Variants in SUDS3 observed in about 807,000 individuals in gnomAD.
SUDS3 encodes the protein sin3 histone deacetylase corepressor complex component SDS3.
A neutral mutation model predicts 53.5 loss-of-function variants in SUDS3; 23 were observed. The observed-to-expected ratio is 0.43, with a 90% CI of 0.31 to 0.61. The LOEUF (loss-of-function observed/expected upper bound fraction) is 0.61. Among genes scored for constraint, SUDS3 ranks in the 20% least tolerant of loss-of-function variants. The pLI is 0.10. For synonymous variants in SUDS3, 150 were observed against 148.5 expected, an observed-to-expected ratio of 1.01 and a Z score of -0.08; for missense variants, 291 against 405.9, an observed-to-expected ratio of 0.72 and a Z score of 2.43.
At position 118,409,308 on chromosome 12, in the gene SUDS3, G is replaced by C. The variant is rs188024130; in HGVS notation, c.804-1765G>C. Among the ~76,000 whole-genome samples the C allele has an allele frequency of 5.7e-4, 86 of 152,070 alleles. 1 individual carries two copies. In the East Asian group the frequency reaches 6.4e-3, roughly 11 times the overall value. ...ATTACAGGAGCCTGCCACCACTCCC[G>C]GCTAATTTTTGTGTTTTTAGTAGAG... is the stretch of plus-strand genomic sequence containing the variant. On this transcript the variant is annotated intron_variant, in intron 10 of 11. Transcript: ENST00000543473.
At chr12:118,380,272 GACA>G (rs745577794) in intron 2 of SUDS3, 41 bp downstream of exon 2, 17 of 1,523,132 alleles carry the variant, frequency 1.1e-5, no homozygotes, top group Admixed American at 5.6e-5. Flanking sequence ...ACATAGAATT[GACA>G]ACATCTTTAT....
chr12:118,412,764 C>T (rs1419762931), intron 11 of SUDS3, among the ~76,000 whole-genome samples: 2 of 119,582 alleles, frequency 1.7e-5, no homozygotes, highest in African/African-American at 2.6e-5. Context: ...GATTGTTTTT[C>T]CCCTCTCTCT....
In SUDS3 at chr12:118,376,659, C is replaced by T; in HGVS notation, c.-33C>T. On this transcript the variant is annotated 5_prime_UTR_variant, in exon 1 of 12. Transcript: ENST00000543473. The stretch of plus-strand genomic sequence containing the variant: ...ACCGAGCGCGGGTGGCCGCGGTGTC[C>T]GTGGGCCACGCTCAGCTGCGGTCAG... 7.0e-7 allele frequency: 1 copy of T among 1,436,080 alleles called. No individual in the cohort carries two copies. Among genetic ancestry groups the T allele is most frequent in the Non-Finnish European group, 9.1e-7 (1 of 1,102,752 alleles). The allele number at this position is 1,436,080 out of a possible 1,614,324, so 89.0% of individuals were successfully genotyped here.
At chr12:118,379,117 ATTC>A (rs1412851861) in intron 1 of SUDS3, among the ~76,000 whole-genome samples, 5 of 150,884 alleles carry the variant, frequency 3.3e-5, no homozygotes, top group Non-Finnish European at 7.4e-5. Flanking sequence ...TGGCCTGGAT[ATTC>A]TAAGTAATCT....
chr12:118,402,500 G>A (rs1361698734), intron 9 of SUDS3: 3 of 158,188 alleles, frequency 1.9e-5, no homozygotes, highest in Admixed American at 6.2e-5. Flanking sequence ...CAGCACTTGA[G>A]ATCATCAGTG....
chr12:118,398,278 G>A (rs987821253), intron 6 of SUDS3, among the ~76,000 whole-genome samples: 3 of 152,150 alleles, frequency 2.0e-5, no homozygotes, highest in Non-Finnish European at 4.4e-5. Flanking sequence ...ATGAGGACAC[G>A]TGAGACATAC....
intron 6 of SUDS3, among the ~76,000 whole-genome samples, chr12:118,398,068 CTT>C (rs558380005): frequency 2.6e-5 from 4 of 152,134 alleles, no homozygotes; most frequent in African/African-American, 9.7e-5. Flanking sequence ...GACTATGTAA[CTT>C]TTTTTCAGCT....
At chr12:118,389,707 G>A (rs888263078) in intron 4 of SUDS3, among the ~76,000 whole-genome samples, 1 of 152,136 alleles carries the variant, frequency 6.6e-6, no homozygotes, top group African/African-American at 2.4e-5. Context: ...GTAGAGATGG[G>A]GTTTCGCCAT....
At chr12:118,390,513 C>G (rs1379615284) in intron 5 of SUDS3, among the ~76,000 whole-genome samples, 1 of 152,112 alleles carries the variant, frequency 6.6e-6, no homozygotes, top group Non-Finnish European at 1.5e-5. Flanking sequence ...ATTATTGGAA[C>G]CCAGTTTCCT....
chr12:118,384,191 C>A, intron 3 of SUDS3, 124 bp downstream of exon 3: 1 of 947,234 alleles, frequency 1.1e-6, no homozygotes, highest in Non-Finnish European at 1.6e-6. Context: ...TCTTAGCTAT[C>A]CAGTACATTT....
At chr12:118,400,211 C>T (rs1011153996) in intron 6 of SUDS3, among the ~76,000 whole-genome samples, 2 of 152,182 alleles carry the variant, frequency 1.3e-5, no homozygotes, top group African/African-American at 4.8e-5. Flanking sequence ...GCACTGAGGC[C>T]AGTGGCCTCT....
Position 118,416,103 on chromosome 12 carries a change from T to TAC in SUDS3, c.*1670_*1671insAC, listed in dbSNP as rs1389794511. 6.6e-6 allele frequency: 1 copy of TAC among 152,196 alleles called. No individual in the cohort carries two copies. The highest frequency in any genetic ancestry group is 1.5e-5 in the Non-Finnish European group (1 of 68,038). The allele number at this position is 152,196 out of a possible 1,614,324, so 9.4% of individuals were successfully genotyped here. A position where few individuals can be genotyped will look rare whatever the true frequency, so the allele number is the denominator to read the frequency against. ...AACACAGGCTTCACCTGTTCTTGTT[T>TAC]GTTAGCCTTGACTGTGAGGCAGGAC... is the stretch of plus-strand genomic sequence containing the variant. On this transcript the variant is annotated 3_prime_UTR_variant, in exon 12 of 12. Coordinates refer to ENST00000543473, the MANE Select transcript of SUDS3 (RefSeq NM_022491.3).
chr12:118,402,783 A>G (rs1227144149), intron 9 of SUDS3: 1 of 143,770 alleles, frequency 7.0e-6, no homozygotes, highest in African/African-American at 2.6e-5. Flanking sequence ...TTTTTGGATT[A>G]TGGAGTCTTG....
chr12:118,412,138 G>T (rs2046364847), intron 11 of SUDS3, among the ~76,000 whole-genome samples: 1 of 152,214 alleles, frequency 6.6e-6, no homozygotes, highest in African/African-American at 2.4e-5. Flanking sequence ...TTTAAAGTCA[G>T]CTCAGAGGGT....
intron 6 of SUDS3, among the ~76,000 whole-genome samples, chr12:118,393,254 CATT>C (rs2046183951): frequency 6.6e-6 from 1 of 152,202 alleles, no homozygotes; most frequent in Non-Finnish European, 1.5e-5. Flanking sequence ...TGCCCAATAT[CATT>C]GTTGCCCAGC....
At chr12:118,392,017 T>C (rs2046172366) in intron 6 of SUDS3, among the ~76,000 whole-genome samples, 1 of 152,178 alleles carries the variant, frequency 6.6e-6, no homozygotes, top group Non-Finnish European at 1.5e-5. Flanking sequence ...ATGGGCCAAC[T>C]CTTCTGTTGC....
chr12:118,392,872 A>G (rs1269120383), intron 6 of SUDS3, among the ~76,000 whole-genome samples: 1 of 152,346 alleles, frequency 6.6e-6, no homozygotes, highest in South Asian at 2.1e-4. Context: ...AGCGATAGAC[A>G]TTGTTTGGCC....
chr12:118,392,178 C>T (rs1467447818), intron 6 of SUDS3, among the ~76,000 whole-genome samples: 1 of 152,224 alleles, frequency 6.6e-6, no homozygotes. Context: ...CCAAATTTAA[C>T]TCTTACAATT....
At chr12:118,385,567 G>T (rs936726665) in intron 3 of SUDS3, among the ~76,000 whole-genome samples, 2 of 152,206 alleles carry the variant, frequency 1.3e-5, no homozygotes, top group Non-Finnish European at 2.9e-5. Context: ...AATGAATAGC[G>T]ATTTGGTTAG....
Sources: allele counts gnomAD v4.1 joint callset (sites outside exome capture counted in the v4.1 genomes callset), GRCh38; gene constraint gnomAD v4.1.1; transcripts MANE v1.5; gene names NCBI Gene and HGNC (gene_info 2026-07-23, HGNC 2026-07-21).